MICAL2: variants seen among roughly 807,000 people sequenced by gnomAD.
MICAL2 encodes microtubule associated monooxygenase, calponin and LIM domain containing 2.
Under a neutral mutation model 127.3 loss-of-function variants are expected in MICAL2, and 77 were observed. That is an observed-to-expected ratio of 0.60 (90% CI 0.50 to 0.73). The LOEUF is 0.73. Among genes scored for constraint, MICAL2 ranks in the 30% least tolerant of loss-of-function variants. The pLI, the probability that MICAL2 is intolerant of heterozygous loss-of-function variation, is 0.00. For missense variants in MICAL2, 1,351 were observed against 1,434.4 expected, an observed-to-expected ratio of 0.94 and a Z score of 0.94; for synonymous variants, 570 against 551.1, an observed-to-expected ratio of 1.03 and a Z score of -0.48.
At chr11:12,267,788 G>A (rs1863626860), downstream of MICAL2, among the ~76,000 whole-genome samples, 1 of 152,142 alleles carries the variant, frequency 6.6e-6, no homozygotes, top group African/African-American at 2.4e-5. Flanking sequence ...TTTTAGTAGA[G>A]ACAGGGTTTT....
intron 3 of MICAL2, among the ~76,000 whole-genome samples, chr11:12,174,093 A>T (rs1856573508): frequency 6.6e-6 from 1 of 152,166 alleles, no homozygotes; most frequent in Non-Finnish European, 1.5e-5. Flanking sequence ...CTTACAGTTG[A>T]AAAAAGTAGA....
chr11:12,330,339 A>G (rs1864401294), intron 32 of MICAL2, among the ~76,000 whole-genome samples: 1 of 152,228 alleles, frequency 6.6e-6, no homozygotes, highest in Admixed American at 6.5e-5. Flanking sequence ...AATGGGAATT[A>G]TTTAATAGGT....
chr11:12,349,700 C>A (rs1056393676), intron 32 of MICAL2: 8 of 697,714 alleles, frequency 1.1e-5, no homozygotes, highest in East Asian at 5.5e-5. Context: ...AACCTGGAGG[C>A]ACCTACAGGG....
chr11:12,327,809 T>G (rs557229467), intron 32 of MICAL2, among the ~76,000 whole-genome samples: 26 of 150,832 alleles, frequency 1.7e-4, no homozygotes, highest in African/African-American at 6.4e-4. Flanking sequence ...CTGGCTAACA[T>G]GAATGTTCTT....
At chr11:12,337,628 T>C (rs1321679513) in intron 32 of MICAL2, among the ~76,000 whole-genome samples, 15 of 152,240 alleles carry the variant, frequency 9.9e-5, no homozygotes, top group Admixed American at 5.2e-4. Context: ...GCTTTGAATG[T>C]GTCCCAGAGA....
chr11:12,112,742 T>C (rs1849703242), intron 1 of MICAL2, among the ~76,000 whole-genome samples: 1 of 152,120 alleles, frequency 6.6e-6, no homozygotes, highest in Non-Finnish European at 1.5e-5. Flanking sequence ...TCATGACTTA[T>C]TTTCATGATG....
intron 2 of MICAL2, among the ~76,000 whole-genome samples, chr11:12,159,453 A>G (rs4757247): frequency 0.75 from 114,792 of 152,116 alleles, 43,564 homozygotes; most frequent in Middle Eastern, 0.89. Flanking sequence ...AGTGCCTGCC[A>G]GGACCTGGCT....
At chr11:12,131,441 C>A (rs566220993) in intron 1 of MICAL2, among the ~76,000 whole-genome samples, 40 of 152,324 alleles carry the variant, frequency 2.6e-4, no homozygotes, top group Non-Finnish European at 4.0e-4. Flanking sequence ...CCTGGGCCAT[C>A]CCTGGCCCCA....
intron 3 of MICAL2, among the ~76,000 whole-genome samples, chr11:12,170,450 AAAAAAT>A (rs1174833518): frequency 1.4e-4 from 22 of 152,204 alleles, no homozygotes; most frequent in Admixed American, 2.0e-4. Flanking sequence ...CCCCATCTCA[AAAAAAT>A]AAAAATAAAA....
chr11:12,172,331 G>A (rs1856368288), intron 3 of MICAL2, among the ~76,000 whole-genome samples: 1 of 152,200 alleles, frequency 6.6e-6, no homozygotes, highest in Non-Finnish European at 1.5e-5. Context: ...GTCTCAGGTT[G>A]AGTTCTTCAA....
chr11:12,245,085 T>C (rs531690945), intron 21 of MICAL2, among the ~76,000 whole-genome samples: 43 of 152,344 alleles, frequency 2.8e-4, no homozygotes, highest in Middle Eastern at 3.4e-3. Context: ...CCTCCTGTGC[T>C]GAGAATAATA....
chr11:12,205,102 T>C (rs1195828733), intron 4 of MICAL2, among the ~76,000 whole-genome samples: 1 of 152,184 alleles, frequency 6.6e-6, no homozygotes, highest in Non-Finnish European at 1.5e-5. Context: ...ATGATGGGAC[T>C]TCAACCAGAA....
At chr11:12,215,588 A>G (rs2012580) in intron 7 of MICAL2, among the ~76,000 whole-genome samples, 128,776 of 152,218 alleles carry the variant, frequency 0.85, 54,782 homozygotes, top group South Asian at 0.89. Context: ...TGTTGGCCAG[A>G]GACCTCCCTT....
At chr11:12,288,856 G>A (rs748263683), downstream of MICAL2, among the ~76,000 whole-genome samples, 7 of 152,204 alleles carry the variant, frequency 4.6e-5, no homozygotes, top group Non-Finnish European at 1.0e-4. Context: ...TGGAGTCCCA[G>A]TCTCCCGAAA....
At chr11:12,243,246 G>C (rs973781569) in intron 20 of MICAL2, 1 of 152,976 alleles carries the variant, frequency 6.5e-6, no homozygotes, top group African/African-American at 2.4e-5. Context: ...CTGGGGCTCT[G>C]CTTCCCCATG....
intron 2 of MICAL2, among the ~76,000 whole-genome samples, chr11:12,149,996 A>T (rs1463007370): frequency 6.6e-6 from 1 of 152,138 alleles, no homozygotes; most frequent in African/African-American, 2.4e-5. Flanking sequence ...ATTTAGCAGC[A>T]GTTGGTGGTG....
At chr11:12,353,382 C>T (rs989755761) in intron 33 of MICAL2, among the ~76,000 whole-genome samples, 1 of 152,220 alleles carries the variant, frequency 6.6e-6, no homozygotes. Flanking sequence ...TTCTTCCAAC[C>T]TTTGGATGGC....
chr11:12,238,135 A>G (rs1366907785), intron 16 of MICAL2, among the ~76,000 whole-genome samples: 1 of 152,148 alleles, frequency 6.6e-6, no homozygotes, highest in Non-Finnish European at 1.5e-5. Flanking sequence ...TTTTCCAGTG[A>G]ATTTCTTCTA....
At chr11:12,349,896 G>C in exon 33 of MICAL2, 1 of 1,614,156 alleles carries the variant, frequency 6.2e-7, no homozygotes, top group Non-Finnish European at 8.5e-7. Flanking sequence ...TGGTTCTGGA[G>C]AAGAATAAAT....
Sources: allele counts gnomAD v4.1 joint callset (sites outside exome capture counted in the v4.1 genomes callset), GRCh38; gene constraint gnomAD v4.1.1; transcripts MANE v1.5; gene names NCBI Gene and HGNC (gene_info 2026-07-23, HGNC 2026-07-21).